NCKAP1: variants seen among roughly 807,000 people sequenced by gnomAD.
The protein encoded by NCKAP1 is NCK associated protein 1.
NCKAP1 carries 21 observed loss-of-function variants against 151.2 expected under a neutral mutation model. The ratio of observed to expected loss-of-function variants is 0.14; its 90% CI spans 0.10 to 0.20. The LOEUF is 0.20. NCKAP1 is among the 10% of genes least tolerant of loss of function. The pLI is 1.00. For synonymous variants in NCKAP1, 484 were observed against 451.8 expected, an observed-to-expected ratio of 1.07 and a Z score of -0.90; for missense variants, 933 against 1,352.1, an observed-to-expected ratio of 0.69 and a Z score of 4.86.
intron 20 of NCKAP1, among the ~76,000 whole-genome samples, chr2:182,953,950 T>G (rs1422025265): frequency 6.6e-6 from 1 of 152,200 alleles, no homozygotes; most frequent in East Asian, 1.9e-4. Flanking sequence ...GCAAGGACAG[T>G]GAACTATTTA....
In NCKAP1 at chr2:182,953,379, T is replaced by G. The variant is rs558008949; in HGVS notation, c.2154-48A>C. On this transcript the variant is annotated intron_variant, in intron 20 of 30. Transcript: ENST00000361354. ...TAAGAAAAGCCTCTGACTTTTCCAT[T>G]CATGTAAAATAAACCACTCAACCTA... The G allele has an allele frequency of 8.8e-6, 12 of 1,361,982 alleles. No individual in the cohort carries two copies. In the East Asian group the frequency reaches 1.9e-4, roughly 21 times the overall value. 84.4% of individuals were successfully genotyped at this position (1,361,982 alleles called of 1,614,324 possible).
chr2:182,959,047 A>G (rs1575030528), intron 18 of NCKAP1, among the ~76,000 whole-genome samples: 1 of 152,218 alleles, frequency 6.6e-6, no homozygotes, highest in Non-Finnish European at 1.5e-5. Context: ...GTGTATGGCT[A>G]CTACAAAATT....
At position 182,928,169 on chromosome 2, in the gene NCKAP1, A is replaced by G; in HGVS notation, c.3128T>C (p.Leu1043Ser). ...AKAINQIAAA[L>S]FTIHKGSIED... ...AATGCTTCCTTTGTGAATTGTAAAC[A>G]AAGCTGCAGCAATCTGGTTGATGGC... The change falls in exon 29 of 31, where the codon TTG becomes TCG. Residue 1043 changes from leucine (L) to serine (S), a missense_variant. Coordinates refer to ENST00000361354, the MANE Select transcript of NCKAP1 (RefSeq NM_013436.5). 6.2e-7 allele frequency: 1 copy of G among 1,613,096 alleles called. No homozygotes were observed. The highest frequency in any genetic ancestry group is 8.5e-7 in the Non-Finnish European group (1 of 1,179,322).
chr2:182,976,280 A>T (rs1697821558), intron 15 of NCKAP1, among the ~76,000 whole-genome samples: 1 of 152,224 alleles, frequency 6.6e-6, no homozygotes, highest in Admixed American at 6.5e-5. Context: ...TTTATATGAG[A>T]CATATATTAA....
Position 183,038,337 on chromosome 2 carries a change from C to A in NCKAP1, c.-238G>T. On this transcript the variant is annotated 5_prime_UTR_variant, in exon 1 of 31. Transcript: ENST00000361354. ...CCCCGGCAGCCTCCTGCCTTCCGCC[C>A]GCCGCCCTTCCGCCCCCACCCCCGG... is the stretch of plus-strand genomic sequence containing the variant. 1 of 310,548 alleles carries A rather than the reference C, an allele frequency of 3.2e-6. No individual in the cohort carries two copies. The highest frequency in any genetic ancestry group is 1.1e-4 in the South Asian group (1 of 8,798). The allele number at this position is 310,548 out of a possible 1,614,324, so 19.2% of individuals were successfully genotyped here.
intron 16 of NCKAP1, 124 bp from the exon 17 acceptor site, chr2:182,964,932 A>C (rs1221687636): frequency 1.6e-6 from 1 of 632,592 alleles, no homozygotes; most frequent in Non-Finnish European, 2.5e-6. Context: ...TAAGAAGAGA[A>C]TATTTTTCCC....
chr2:183,013,073 T>A (rs1274190523), intron 2 of NCKAP1, among the ~76,000 whole-genome samples: 1 of 152,172 alleles, frequency 6.6e-6, no homozygotes, highest in East Asian at 1.9e-4. Context: ...GATTTCATGA[T>A]CATTGACCAC....
intron 2 of NCKAP1, among the ~76,000 whole-genome samples, chr2:183,023,407 T>A: frequency 6.6e-6 from 1 of 152,114 alleles, no homozygotes; most frequent in Non-Finnish European, 1.5e-5. Context: ...ATTTTAAAAC[T>A]AAATACAGCT....
At chr2:183,003,609 T>C (rs1698413402) in intron 2 of NCKAP1, among the ~76,000 whole-genome samples, 2 of 152,014 alleles carry the variant, frequency 1.3e-5, no homozygotes, top group South Asian at 4.2e-4. Flanking sequence ...TCAAATGAAC[T>C]CTTAAAAAAT....
In NCKAP1 at chr2:183,002,123, C is replaced by G. The variant is rs761633576; in HGVS notation, c.512+4G>C. Reference sequence around the variant, plus strand: ...TTAGAAAGACTTTTATAATGCAAATCTACCTTGCTCCATGAGTCATTTCAT... The same window carrying G: ...TTAGAAAGACTTTTATAATGCAAATGTACCTTGCTCCATGAGTCATTTCAT... On this transcript the variant is annotated splice_donor_region_variant and intron_variant, in intron 5 of 30. Transcript: ENST00000361354. 2.1e-5 allele frequency: 34 copies of G among 1,612,358 alleles called. No homozygotes were observed. In the South Asian group the frequency reaches 3.1e-4, roughly 15 times the overall value.
intron 2 of NCKAP1, among the ~76,000 whole-genome samples, chr2:183,021,304 T>TA (rs1335918290): frequency 6.6e-6 from 1 of 152,000 alleles, no homozygotes; most frequent in Non-Finnish European, 1.5e-5. Flanking sequence ...TATTTGGCAA[T>TA]AAAAAGAAAT....
chr2:182,928,813 C>T lies in NCKAP1; in HGVS notation c.3040G>A (p.Val1014Met). The T allele has an allele frequency of 6.2e-7, 1 of 1,611,290 alleles. No individual in the cohort carries two copies. Among genetic ancestry groups the T allele is most frequent in the South Asian group, 1.1e-5 (1 of 90,828 alleles). The change falls in exon 28 of 31, where the codon GTG becomes ATG. Residue 1014 changes from valine (V) to methionine (M), a missense_variant. By Grantham distance (21) the Val-to-Met change is conservative. Around this residue, in one of 2 missense-constraint regions of NCKAP1, gnomAD observed 326 missense variants for 557.1 expected, o/e 0.59. Coordinates refer to ENST00000361354, the MANE Select transcript of NCKAP1 (RefSeq NM_013436.5). ...ATAGCAGGGCTGTACTGAGACATCA[C>T]ATTACTGGCCAGTGTTGGCAAAGAA... ...AVSLPTLASN[V>M]MSQYSPAIEG...
Position 183,038,019 on chromosome 2 carries a change from C to T in NCKAP1, c.81G>A (p.Met27Ile). 1 of 1,579,434 alleles carries T rather than the reference C, an allele frequency of 6.3e-7. No homozygotes were observed. The highest frequency in any genetic ancestry group is 1.1e-5 in the South Asian group (1 of 88,238). Reference protein sequence around the residue: ...LTILNDRGVGMLTRLYNIKKA... With the variant: ...LTILNDRGVGILTRLYNIKKA... ...TCTTGATGTTGTAGAGGCGGGTGAG[C>T]ATGCCGACGCCCCGGTCGTTGAGGA... Residue 27 changes from methionine to isoleucine, a missense_variant, in exon 1 of 31, where the codon ATG (methionine) becomes ATA (isoleucine). This residue lies in a region of NCKAP1 where 607 missense variants were observed against 795.0 expected (regional missense o/e 0.76). Coordinates refer to ENST00000361354, the MANE Select transcript of NCKAP1 (RefSeq NM_013436.5).
chr2:183,035,087 G>A (rs1334109122), intron 1 of NCKAP1, among the ~76,000 whole-genome samples: 1 of 151,770 alleles, frequency 6.6e-6, no homozygotes, highest in Non-Finnish European at 1.5e-5. Context: ...TCTGCAAAAG[G>A]GAAACCATAT....
At chr2:182,964,904 T>C in intron 16 of NCKAP1, 96 bp from the exon 17 acceptor site, 2 of 933,424 alleles carry the variant, frequency 2.1e-6, no homozygotes, top group South Asian at 4.2e-5. Flanking sequence ...GAATGAATGA[T>C]AACTGGTAGC....
intron 1 of NCKAP1, chr2:183,025,002 A>G: frequency 1.9e-6 from 3 of 1,611,714 alleles, no homozygotes; most frequent in Non-Finnish European, 2.5e-6. Context: ...CTTGCTGGGG[A>G]AGCATTGTAA....
At chr2:183,002,799 A>C (rs980821503) in intron 4 of NCKAP1, among the ~76,000 whole-genome samples, 175 bp downstream of exon 4, 4 of 152,108 alleles carry the variant, frequency 2.6e-5, no homozygotes, top group African/African-American at 9.7e-5. Context: ...AGTGACAATC[A>C]AAACAAATAA....
chr2:183,023,886 A>G lies in NCKAP1; in HGVS notation c.139T>C (p.Tyr47His). 1 of 1,612,928 alleles carries G rather than the reference A, an allele frequency of 6.2e-7. No homozygotes were observed. Reference protein sequence around the residue: ...ACGDPKAKPSYLIDKNLESAV... With the variant: ...ACGDPKAKPSHLIDKNLESAV... ...GATTCCAGGTTTTTGTCGATAAGAT[A>G]GGATGGTTTTGCCTTGGGGTCTCCA... Residue 47 changes from tyrosine (Y) to histidine (H), a missense_variant, in exon 2 of 31, where the codon TAT (tyrosine) becomes CAT (histidine). Around this residue, in one of 2 missense-constraint regions of NCKAP1, gnomAD observed 607 missense variants for 795.0 expected, o/e 0.76. Transcript: ENST00000361354.
At chr2:182,958,283 C>T (rs1575030036) in intron 18 of NCKAP1, among the ~76,000 whole-genome samples, 1 of 152,120 alleles carries the variant, frequency 6.6e-6, no homozygotes, top group Non-Finnish European at 1.5e-5. Context: ...GGACTACAGT[C>T]GACTGCCACC....
Sources: gnomAD v4.1 joint callset for allele counts (sites outside exome capture counted in the v4.1 genomes callset) on GRCh38, gnomAD v4.1.1 for gene constraint, gnomAD v4.1.1 regional missense constraint, MANE v1.5 for transcripts, NCBI Gene and HGNC (gene_info 2026-07-23, HGNC 2026-07-21) for gene names.